Variants in BACE2 observed in about 807,000 individuals in gnomAD.
The protein encoded by BACE2 is beta-secretase 2.
In BACE2, 17 loss-of-function variants were observed where a neutral mutation model predicts 46.2. The ratio of observed to expected loss-of-function variants is 0.37; its 90% CI spans 0.25 to 0.55. The LOEUF is 0.55. BACE2 is among the 20% of genes least tolerant of loss of function. The pLI is 0.82. For missense variants in BACE2, 595 were observed against 698.1 expected, an observed-to-expected ratio of 0.85 and a Z score of 1.66; for synonymous variants, 277 against 295.9, an observed-to-expected ratio of 0.94 and a Z score of 0.66.
At chr21:41,184,808 A>G (rs1328112175) in intron 1 of BACE2, 1 of 167,070 alleles carries the variant, frequency 6.0e-6, no homozygotes, top group Non-Finnish European at 1.5e-5. Flanking sequence ...ATGGCATTCT[A>G]ATGCCTGGAA....
chr21:41,222,931 A>G (rs899278430), intron 1 of BACE2, among the ~76,000 whole-genome samples: 3 of 152,212 alleles, frequency 2.0e-5, no homozygotes, highest in Non-Finnish European at 4.4e-5. Flanking sequence ...GAGATGGTCA[A>G]GTCCACCAGG....
chr21:41,168,338 C>T lies in BACE2; in HGVS notation c.75C>T (p.Ala25=). The change falls in exon 1 of 9, where the codon GCC becomes GCT. Residue 25 remains alanine (A), a synonymous_variant. Transcript: ENST00000330333. ...QWLLRAAPEL[A]PAPFTLPLRV... is the part of the protein sequence containing the mutation. The stretch of plus-strand genomic sequence containing the variant: ...TCCTGCGCGCCGCCCCGGAGCTGGC[C>T]CCCGCGCCCTTCACGCTGCCCCTCC... 1 of 1,367,114 alleles carries T rather than the reference C, an allele frequency of 7.3e-7. No individual in the cohort carries two copies. Among genetic ancestry groups the T allele is most frequent in the Non-Finnish European group, 9.5e-7 (1 of 1,057,726 alleles). The allele number at this position is 1,367,114 out of a possible 1,614,324, so 84.7% of individuals were successfully genotyped here.
chr21:41,217,603 C>T (rs1420581176), intron 1 of BACE2, among the ~76,000 whole-genome samples: 4 of 152,138 alleles, frequency 2.6e-5, no homozygotes, highest in Admixed American at 1.3e-4. Flanking sequence ...GGTTGAGCCT[C>T]GGTGCTTTCC....
At chr21:41,181,015 G>A (rs1985102103) in intron 1 of BACE2, 2 of 167,050 alleles carry the variant, frequency 1.2e-5, no homozygotes, top group South Asian at 4.1e-4. Flanking sequence ...GCCACCCCAG[G>A]GTGCTGCTAG....
intron 1 of BACE2, among the ~76,000 whole-genome samples, chr21:41,203,196 C>T (rs1986014357): frequency 6.6e-6 from 1 of 152,116 alleles, no homozygotes; most frequent in Non-Finnish European, 1.5e-5. Flanking sequence ...AGGATGGTGA[C>T]AGATGCTATG....
intron 1 of BACE2, among the ~76,000 whole-genome samples, chr21:41,214,221 A>T (rs889706682): frequency 1.3e-5 from 2 of 152,128 alleles, no homozygotes; most frequent in African/African-American, 4.8e-5. Flanking sequence ...TGGTGGAGGG[A>T]GATTGGACCC....
chr21:41,259,378 G>T (rs750738734), intron 8 of BACE2, among the ~76,000 whole-genome samples: 11 of 151,810 alleles, frequency 7.2e-5, no homozygotes, highest in Non-Finnish European at 1.6e-4. Flanking sequence ...CCTCAGGGCT[G>T]CAATTAACGG....
In BACE2 at chr21:41,185,801, G is replaced by A. The variant is rs115848130; in HGVS notation, c.312+17226G>A. Among the ~76,000 whole-genome samples the A allele has an allele frequency of 3.5e-3, 528 of 152,266 alleles. 2 individuals carry two copies. The highest frequency in any genetic ancestry group is 0.012 in the African/African-American group (490 of 41,550). ...GGGTACCCAGTGGGCGGCCAACCCC[G>A]TGAACCCAAGACCAGGTTACAGAAC... is the stretch of plus-strand genomic sequence containing the variant. On this transcript the variant is annotated intron_variant, in intron 1 of 8. Coordinates refer to ENST00000330333, the MANE Select transcript of BACE2 (RefSeq NM_012105.5).
chr21:41,248,688 C>T (rs900136629), intron 6 of BACE2, among the ~76,000 whole-genome samples: 5 of 152,222 alleles, frequency 3.3e-5, no homozygotes, highest in Non-Finnish European at 7.3e-5. Context: ...GATGAACCAA[C>T]CACAGGGTGC....
At chr21:41,215,724 G>A (rs909582069) in intron 1 of BACE2, among the ~76,000 whole-genome samples, 2 of 152,218 alleles carry the variant, frequency 1.3e-5, no homozygotes, top group African/African-American at 4.8e-5. Context: ...CATCTCCAAG[G>A]CGTTTCTGTT....
Position 41,278,258 on chromosome 21 carries a change from T to C in BACE2, c.*2634T>C, listed in dbSNP as rs1388359585. ...GCTGCTTTATTTCCTTGATAACTTC[T>C]TTGGAAGTCTGAAATAAATCCTGCC... On this transcript the variant is annotated 3_prime_UTR_variant, in exon 9 of 9. Coordinates refer to ENST00000330333, the MANE Select transcript of BACE2 (RefSeq NM_012105.5). The C allele has an allele frequency of 6.6e-6, 1 of 152,250 alleles. No homozygotes were observed. Among genetic ancestry groups the C allele is most frequent in the Non-Finnish European group, 1.5e-5 (1 of 68,044 alleles). The allele number at this position is 152,250 out of a possible 1,614,324, so 9.4% of individuals were successfully genotyped here. A position where few individuals can be genotyped will look rare whatever the true frequency, so the allele number is the denominator to read the frequency against.
intron 1 of BACE2, among the ~76,000 whole-genome samples, chr21:41,209,916 G>A (rs749805292): frequency 6.6e-6 from 1 of 152,140 alleles, no homozygotes; most frequent in African/African-American, 2.4e-5. Flanking sequence ...ACCTCTCCCC[G>A]TTGTAGAAAT....
intron 6 of BACE2, among the ~76,000 whole-genome samples, chr21:41,249,110 C>T (rs1202169032): frequency 6.6e-6 from 1 of 151,906 alleles, no homozygotes. Flanking sequence ...GGACTCAGGA[C>T]TAGTGGGCAT....
At chr21:41,260,493 G>T (rs1326669065) in intron 8 of BACE2, among the ~76,000 whole-genome samples, 1 of 152,152 alleles carries the variant, frequency 6.6e-6, no homozygotes, top group Non-Finnish European at 1.5e-5. Context: ...ACTTAGCCGG[G>T]TGTCTCTGGC....
chr21:41,232,292 G>A (rs897580766), intron 2 of BACE2, among the ~76,000 whole-genome samples: 1 of 152,122 alleles, frequency 6.6e-6, no homozygotes, highest in African/African-American at 2.4e-5. Context: ...AGCTTGAAGC[G>A]TCACCACCTC....
intron 2 of BACE2, among the ~76,000 whole-genome samples, chr21:41,227,302 C>T (rs181569213): frequency 2.0e-5 from 3 of 152,290 alleles, no homozygotes; most frequent in East Asian, 3.9e-4. Flanking sequence ...TCTAGAGGCT[C>T]GGAACTGTCA....
intron 2 of BACE2, among the ~76,000 whole-genome samples, chr21:41,232,550 A>C (rs1350936186): frequency 6.6e-6 from 1 of 152,202 alleles, no homozygotes; most frequent in Non-Finnish European, 1.5e-5. Context: ...CAGATCCCTC[A>C]TGAATGGCTT....
At chr21:41,208,791 T>C (rs566764563) in intron 1 of BACE2, among the ~76,000 whole-genome samples, 2 of 152,028 alleles carry the variant, frequency 1.3e-5, no homozygotes, top group Non-Finnish European at 2.9e-5. Flanking sequence ...CTGAAAGATG[T>C]CAGTTGCACA....
At chr21:41,170,214 T>C (rs1446878557) in intron 1 of BACE2, among the ~76,000 whole-genome samples, 1 of 35,622 alleles carries the variant, frequency 2.8e-5, no homozygotes, top group Non-Finnish European at 4.6e-5. Flanking sequence ...ACTTTGGCAA[T>C]CAAAAAAAAA....
Sources: gnomAD v4.1 joint callset for allele counts (sites outside exome capture counted in the v4.1 genomes callset) on GRCh38, gnomAD v4.1.1 for gene constraint, MANE v1.5 for transcripts, NCBI Gene and HGNC (gene_info 2026-07-23, HGNC 2026-07-21) for gene names.